The following NGLY1 variants were observed in gnomAD, a reference collection of about 807,000 sequenced individuals.
NGLY1 encodes the protein peptide-N(4)-(N-acetyl-beta-glucosaminyl)asparagine amidase.
In NGLY1, 68 loss-of-function variants were observed where a neutral mutation model predicts 84.6. That is an observed-to-expected ratio of 0.80 (90% CI 0.66 to 0.98). NGLY1 has a LOEUF of 0.98. Among genes scored for constraint, NGLY1 ranks in the 50% least tolerant of loss-of-function variants. The pLI, the probability that NGLY1 is intolerant of heterozygous loss-of-function variation, is 0.00. For missense variants in NGLY1, 779 were observed against 770.2 expected, an observed-to-expected ratio of 1.01 and a Z score of -0.14; for synonymous variants, 280 against 275.2, an observed-to-expected ratio of 1.02 and a Z score of -0.17.
intron 4 of NGLY1, among the ~76,000 whole-genome samples, chr3:25,748,285 A>G (rs1706544348): frequency 6.6e-6 from 1 of 152,150 alleles, no homozygotes; most frequent in South Asian, 2.1e-4. Flanking sequence ...GCTCCAGTAT[A>G]ATAACAATGG....
At chr3:25,774,916 C>T (rs1444707716) in intron 2 of NGLY1, among the ~76,000 whole-genome samples, 2 of 152,206 alleles carry the variant, frequency 1.3e-5, no homozygotes, top group East Asian at 1.9e-4. Flanking sequence ...CCAAGGACCC[C>T]TGTGAGATAA....
Position 25,758,249 on chromosome 3 carries a change from G to T in NGLY1, c.492+5817C>A, listed in dbSNP as rs182616639. Among the ~76,000 whole-genome samples the T allele has an allele frequency of 3.9e-3, 590 of 152,232 alleles. 4 individuals are homozygous for T. Among genetic ancestry groups the T allele is most frequent in the African/African-American group, 0.014 (564 of 41,544 alleles). On this transcript the variant is annotated intron_variant, in intron 3 of 11. Coordinates refer to ENST00000280700, the MANE Select transcript of NGLY1 (RefSeq NM_018297.4). Reference sequence around the variant, plus strand: ...AATTATCAAGACTATTTTAAATATGGATTTGTATACATTCATTAGGTAATA... The same window carrying T: ...AATTATCAAGACTATTTTAAATATGTATTTGTATACATTCATTAGGTAATA...
intron 4 of NGLY1, among the ~76,000 whole-genome samples, chr3:25,741,453 C>T (rs1207614528): frequency 6.6e-6 from 1 of 151,670 alleles, no homozygotes; most frequent in Non-Finnish European, 1.5e-5. Context: ...TCTATCAGAT[C>T]CCTACTATAG....
intron 4 of NGLY1, among the ~76,000 whole-genome samples, chr3:25,748,443 C>T (rs1331816816): frequency 6.6e-6 from 1 of 152,208 alleles, no homozygotes; most frequent in Non-Finnish European, 1.5e-5. Context: ...AAGAAAACAA[C>T]TCTAGTTAGA....
At chr3:25,780,533 G>A (rs1443956293) in intron 1 of NGLY1, among the ~76,000 whole-genome samples, 1 of 152,066 alleles carries the variant, frequency 6.6e-6, no homozygotes, top group Non-Finnish European at 1.5e-5. Flanking sequence ...TCTACATGCT[G>A]GGTCTTTCTC....
intron 2 of NGLY1, among the ~76,000 whole-genome samples, chr3:25,765,196 A>G (rs972931057): frequency 6.6e-6 from 1 of 152,080 alleles, no homozygotes; most frequent in African/African-American, 2.4e-5. Flanking sequence ...ATGGTGGCTC[A>G]CGCCTGTAAT....
chr3:25,786,396 G>GA (rs200767400), upstream of NGLY1, among the ~76,000 whole-genome samples: 40 of 148,130 alleles, frequency 2.7e-4, no homozygotes, highest in African/African-American at 4.7e-4. Flanking sequence ...AAATCCTGGG[G>GA]AAAAAAAAAA....
At chr3:25,757,261 T>C (rs1267833412) in intron 3 of NGLY1, among the ~76,000 whole-genome samples, 2 of 152,190 alleles carry the variant, frequency 1.3e-5, no homozygotes, top group African/African-American at 4.8e-5. Context: ...TTATATAGCA[T>C]AGGATATCAT....
chr3:25,780,685 C>T (rs1456920107), intron 1 of NGLY1, among the ~76,000 whole-genome samples: 1 of 152,104 alleles, frequency 6.6e-6, no homozygotes, highest in Non-Finnish European at 1.5e-5. Flanking sequence ...TGCAATGACG[C>T]CATCAAAGCT....
chr3:25,760,920 A>AAAAAAAG (rs1707293580), intron 3 of NGLY1, among the ~76,000 whole-genome samples: 1 of 131,520 alleles, frequency 7.6e-6, no homozygotes, highest in Non-Finnish European at 1.6e-5. Context: ...AAAAAAAAAA[A>AAAAAAAG]GCTCGCACAC....
chr3:25,774,160 T>C (rs1382952476), intron 2 of NGLY1, among the ~76,000 whole-genome samples: 1 of 152,146 alleles, frequency 6.6e-6, no homozygotes, highest in Admixed American at 6.5e-5. Flanking sequence ...ATGTTACAGG[T>C]GGTGGAATTA....
chr3:25,721,762 A>G (rs1705004777), intron 10 of NGLY1, among the ~76,000 whole-genome samples: 1 of 150,648 alleles, frequency 6.6e-6, no homozygotes, highest in Non-Finnish European at 1.5e-5. Flanking sequence ...AAAAAAAAAA[A>G]AAAAAAAAAA....
rs187305683 is a variant in NGLY1, at chr3:25,719,325, G to T, written c.*135C>A. ...CCACGTATAAAGATAATTTTCATGA[G>T]GGTTACATGATGGATAGCTAGCAAA... is the stretch of plus-strand genomic sequence containing the variant. On this transcript the variant is annotated 3_prime_UTR_variant, in exon 12 of 12. Coordinates refer to ENST00000280700, the MANE Select transcript of NGLY1 (RefSeq NM_018297.4). The T allele has an allele frequency of 2.2e-4, 128 of 586,948 alleles. No individual in the cohort carries two copies. In the East Asian group the frequency reaches 2.7e-3, roughly 13 times the overall value. 36.4% of individuals were successfully genotyped at this position (586,948 alleles called of 1,614,324 possible).
chr3:25,765,902 T>C (rs1414690625), intron 2 of NGLY1, among the ~76,000 whole-genome samples: 1 of 151,860 alleles, frequency 6.6e-6, no homozygotes, highest in South Asian at 2.1e-4. Context: ...TGGATGATTT[T>C]TATTTTTTGG....
intron 2 of NGLY1, among the ~76,000 whole-genome samples, chr3:25,772,022 C>A (rs764785496): frequency 9.2e-5 from 14 of 152,110 alleles, no homozygotes; most frequent in Non-Finnish European, 1.3e-4. Context: ...TTCTTGATTT[C>A]TTTCTCTTGT....
At chr3:25,749,567 G>A in intron 4 of NGLY1, 1 of 1,545,304 alleles carries the variant, frequency 6.5e-7, no homozygotes, top group Admixed American at 1.7e-5. Flanking sequence ...CAGTCTGACT[G>A]ATATGTCAAA....
chr3:25,743,527 T>A (rs1706258876), intron 4 of NGLY1, among the ~76,000 whole-genome samples: 1 of 152,184 alleles, frequency 6.6e-6, no homozygotes, highest in Admixed American at 6.5e-5. Context: ...TTACTAGTCG[T>A]CACTCACTCT....
At chr3:25,775,270 T>A (rs1708102056) in intron 2 of NGLY1, among the ~76,000 whole-genome samples, 1 of 152,226 alleles carries the variant, frequency 6.6e-6, no homozygotes, top group South Asian at 2.1e-4. Context: ...AATTGGGAGC[T>A]GCAAGTTAGT....
intron 3 of NGLY1, 120 bp downstream of exon 3, chr3:25,763,946 T>C: frequency 2.3e-6 from 3 of 1,318,478 alleles, no homozygotes; most frequent in Non-Finnish European, 3.1e-6. Context: ...TTTAGAGTTA[T>C]AAGAACTAAG....
Sources: gnomAD v4.1 joint callset for allele counts (sites outside exome capture counted in the v4.1 genomes callset) on GRCh38, gnomAD v4.1.1 for gene constraint, MANE v1.5 for transcripts, NCBI Gene and HGNC (gene_info 2026-07-23, HGNC 2026-07-21) for gene names.